LUC7L: variants seen among roughly 807,000 people sequenced by gnomAD.
LUC7L encodes the protein putative RNA-binding protein Luc7-like 1.
In LUC7L, 29 loss-of-function variants were observed where a neutral mutation model predicts 51.1. That is an observed-to-expected ratio of 0.57 (90% confidence interval 0.42 to 0.77). The LOEUF (loss-of-function observed/expected upper bound fraction) is 0.77, where lower values mean the gene tolerates loss of function less well. LUC7L is among the 30% of genes least tolerant of loss of function. LUC7L has a pLI of 0.00. For missense variants in LUC7L, 403 were observed against 511.9 expected (o/e 0.79, Z 2.05); for synonymous variants, 181 against 180.7 (o/e 1.00, Z -0.01).
intron 5 of LUC7L, among the ~76,000 whole-genome samples, chr16:203,600 T>TC (rs1399779650): frequency 6.6e-6 from 1 of 151,546 alleles, no homozygotes; most frequent in East Asian, 1.9e-4. Flanking sequence ...CCTAGCTATT[T>TC]GAAAGGCTGA....
At chr16:214,405 G>A (rs968265967) in intron 3 of LUC7L, among the ~76,000 whole-genome samples, 2 of 152,170 alleles carry the variant, frequency 1.3e-5, no homozygotes, top group Non-Finnish European at 2.9e-5. Context: ...ACAAACATTA[G>A]TTTGAAGGGC....
intron 1 of LUC7L, chr16:227,728 C>T (rs2050165994): frequency 2.0e-6 from 2 of 1,017,096 alleles, no homozygotes; most frequent in Non-Finnish European, 2.4e-6. Context: ...CCAACAAAAG[C>T]TACTTATTAA....
intron 4 of LUC7L, among the ~76,000 whole-genome samples, chr16:207,765 T>C (rs1023552861): frequency 2.0e-5 from 3 of 152,094 alleles, no homozygotes; most frequent in Non-Finnish European, 4.4e-5. Context: ...ATCCCAGCAC[T>C]TTGGGAGGCT....
intron 5 of LUC7L, among the ~76,000 whole-genome samples, chr16:201,103 A>T (rs897079017): frequency 6.9e-6 from 1 of 145,330 alleles, no homozygotes; most frequent in Admixed American, 7.1e-5. Flanking sequence ...CGGGAGTCAG[A>T]GGATGCAGTG....
intron 7 of LUC7L, 79 bp from the exon 8 acceptor site, chr16:190,649 G>C (rs2048987655): frequency 7.5e-7 from 1 of 1,326,958 alleles, no homozygotes; most frequent in South Asian, 1.2e-5. Context: ...GGGAGGCCTA[G>C]GCAGGCAATC....
chr16:195,178 C>A (rs1015021632), intron 6 of LUC7L, among the ~76,000 whole-genome samples: 1 of 151,920 alleles, frequency 6.6e-6, no homozygotes, highest in Non-Finnish European at 1.5e-5. Context: ...CATTTCAGCA[C>A]TCTGGGAGGC....
At chr16:201,600 C>T (rs1355689310) in intron 5 of LUC7L, among the ~76,000 whole-genome samples, 7 of 151,974 alleles carry the variant, frequency 4.6e-5, no homozygotes, top group Non-Finnish European at 1.0e-4. Flanking sequence ...CCGCCACGCC[C>T]GGCCAATTTT....
intron 6 of LUC7L, among the ~76,000 whole-genome samples, chr16:198,774 C>A (rs2049235435): frequency 6.6e-6 from 1 of 151,932 alleles, no homozygotes; most frequent in Non-Finnish European, 1.5e-5. Flanking sequence ...GCAACCTCTG[C>A]CTCCTGGGTT....
chr16:193,725 C>A (rs572948205), intron 6 of LUC7L, among the ~76,000 whole-genome samples: 14 of 151,958 alleles, frequency 9.2e-5, no homozygotes, highest in Non-Finnish European at 2.1e-4. Flanking sequence ...AAACTCCTAA[C>A]CTTGTGATAT....
At position 189,073 on chromosome 16, in the gene LUC7L, A is replaced by T; in HGVS notation, c.*125T>A. 9.0e-7 allele frequency: 1 copy of T among 1,105,008 alleles called. No homozygotes were observed. The highest frequency in any genetic ancestry group is 1.5e-5 in the South Asian group (1 of 66,484). 68.5% of individuals were successfully genotyped at this position (1,105,008 alleles called of 1,614,324 possible). A position where few individuals can be genotyped will look rare whatever the true frequency, so the allele number is the denominator to read the frequency against. On this transcript the variant is annotated 3_prime_UTR_variant, in exon 10 of 10. Transcript: ENST00000293872. ...CAACTCTGTACACTTCTAGAAACTC[A>T]CAGCTAGCTCCAAAACAATAGAAAT... is the stretch of plus-strand genomic sequence containing the variant.
Position 192,502 on chromosome 16 carries a change from CT to C in LUC7L, c.776+424del, listed in dbSNP as rs398058029. Among the ~76,000 whole-genome samples the C allele has an allele frequency of 5.7e-3, 718 of 125,606 alleles. 3 individuals are homozygous for C. Among genetic ancestry groups the C allele is most frequent in the Non-Finnish European group, 6.6e-3 (404 of 61,552 alleles). The allele number at this position is 125,606 out of a possible 152,430, so 82.4% of individuals were successfully genotyped here. A position where few individuals can be genotyped will look rare whatever the true frequency, so the allele number is the denominator to read the frequency against. On this transcript the variant is annotated intron_variant, in intron 7 of 9. Transcript: ENST00000293872. ...TTTGTTGGACTGAATATGCTGTTTA[CT>C]TTTTTTTTTTTTTTTTTTGGTTGAG... is the stretch of plus-strand genomic sequence containing the variant.
At position 228,928 on chromosome 16, in the gene LUC7L, C is replaced by T. The variant is rs1212006348; in HGVS notation, c.61+351G>A. 6 of 1,376,666 alleles carry T rather than the reference C, an allele frequency of 4.4e-6. No individual in the cohort carries two copies. The African/African-American group carries it at 5.8e-5, about 13-fold the overall frequency. 85.3% of individuals were successfully genotyped at this position (1,376,666 alleles called of 1,614,324 possible). A position where few individuals can be genotyped will look rare whatever the true frequency, so the allele number is the denominator to read the frequency against. Reference sequence around the variant, plus strand: ...AAGAGTTCTGCCACCCGGCTGCCAGCGACCTGGAGCCCACGCTGATTCCAG... The same window carrying T: ...AAGAGTTCTGCCACCCGGCTGCCAGTGACCTGGAGCCCACGCTGATTCCAG... On this transcript the variant is annotated intron_variant, in intron 1 of 9. Transcript: ENST00000293872.
chr16:194,018 T>C (rs2049085230), intron 6 of LUC7L, among the ~76,000 whole-genome samples: 1 of 152,056 alleles, frequency 6.6e-6, no homozygotes, highest in Non-Finnish European at 1.5e-5. Flanking sequence ...TTAGCCAGGA[T>C]GGTCTCGATC....
chr16:211,517 T>C (rs1333441430), intron 3 of LUC7L, among the ~76,000 whole-genome samples: 1 of 152,180 alleles, frequency 6.6e-6, no homozygotes, highest in Admixed American at 6.6e-5. Context: ...AACCAAGAGC[T>C]GCCAAGTTCT....
At position 189,010 on chromosome 16, in the gene LUC7L, T is replaced by A; in HGVS notation, c.*188A>T. On this transcript the variant is annotated 3_prime_UTR_variant, in exon 10 of 10. Coordinates refer to ENST00000293872, the MANE Select transcript of LUC7L (RefSeq NM_201412.3). ...CAGCCTCAGGAGGCAGCATCAGATT[T>A]ATTTATTCCTACTCAACATGACCCG... The A allele has an allele frequency of 1.7e-6, 1 of 598,666 alleles. No homozygotes were observed. Among genetic ancestry groups the A allele is most frequent in the Non-Finnish European group, 2.8e-6 (1 of 352,274 alleles). 37.1% of individuals were successfully genotyped at this position (598,666 alleles called of 1,614,324 possible).
chr16:198,020 G>A (rs1209828292), intron 6 of LUC7L, among the ~76,000 whole-genome samples: 1 of 152,100 alleles, frequency 6.6e-6, no homozygotes, highest in East Asian at 1.9e-4. Context: ...TGTGGTCCCA[G>A]CACTTTGGGA....
At chr16:216,094 C>A (rs1434631142) in intron 3 of LUC7L, among the ~76,000 whole-genome samples, 4 of 152,006 alleles carry the variant, frequency 2.6e-5, no homozygotes. Context: ...CTCTGCCTCC[C>A]AGGTTCAAGT....
Position 189,959 on chromosome 16 carries a change from A to G in LUC7L, c.974+9T>C. 1 of 1,608,788 alleles carries G rather than the reference A, an allele frequency of 6.2e-7. No homozygotes were observed. The highest frequency in any genetic ancestry group is 8.5e-7 in the Non-Finnish European group (1 of 1,176,110). ...TGGTTGCAGCTACCGAAGGAGTCAG[A>G]GTAGTTACTTGTATTTCGCACTTCG... On this transcript the variant is annotated intron_variant, in intron 9 of 9. Coordinates refer to ENST00000293872, the MANE Select transcript of LUC7L (RefSeq NM_201412.3).
intron 3 of LUC7L, among the ~76,000 whole-genome samples, chr16:216,765 T>C (rs1183270254): frequency 6.6e-6 from 1 of 152,172 alleles, no homozygotes; most frequent in African/African-American, 2.4e-5. Context: ...GAGTAACTCT[T>C]GTATATTGTA....
Sources: gnomAD v4.1 joint callset for allele counts (sites outside exome capture counted in the v4.1 genomes callset) on GRCh38, gnomAD v4.1.1 for gene constraint, MANE v1.5 for transcripts, NCBI Gene and HGNC (gene_info 2026-07-23, HGNC 2026-07-21) for gene names.